The following WDFY4 variants were observed in gnomAD, a reference collection of about 807,000 sequenced individuals.
The protein encoded by WDFY4 is WDFY family member 4, also known as WD repeat- and FYVE domain-containing protein 4.
WDFY4 carries 169 observed loss-of-function variants against 351.9 expected under a neutral mutation model. The observed-to-expected ratio is 0.48, with a 90% CI of 0.42 to 0.55. The LOEUF is 0.55. Ranked by LOEUF, WDFY4 falls within the 20% of genes least tolerant of loss-of-function variation. WDFY4 has a pLI of 0.00. For missense variants in WDFY4, 3,803 were observed against 3,935.6 expected, an observed-to-expected ratio of 0.97 and a Z score of 0.90; for synonymous variants, 1,622 against 1,574.6, an observed-to-expected ratio of 1.03 and a Z score of -0.71.
At chr10:48,826,570 T>C (rs2068018851) in intron 35 of WDFY4, 101 bp from the exon 36 acceptor site, 2 of 871,070 alleles carry the variant, frequency 2.3e-6, no homozygotes, top group Admixed American at 2.4e-5. Context: ...GTAAGCCATG[T>C]CACTTTTTGA....
At chr10:48,868,326 C>T (rs372895005) in intron 40 of WDFY4, among the ~76,000 whole-genome samples, 6 of 152,270 alleles carry the variant, frequency 3.9e-5, no homozygotes, top group Admixed American at 2.0e-4. Flanking sequence ...TTGTGAGAAA[C>T]GAGGTTTGGT....
At chr10:48,903,669 G>A (rs750054109) in intron 47 of WDFY4, among the ~76,000 whole-genome samples, 1 of 152,174 alleles carries the variant, frequency 6.6e-6, no homozygotes, top group African/African-American at 2.4e-5. Flanking sequence ...AAGAGTGGCT[G>A]TAGGGCCACT....
At chr10:48,721,133 T>A (rs539515213) in intron 3 of WDFY4, 128 bp from the exon 4 acceptor site, 4 of 799,198 alleles carry the variant, frequency 5.0e-6, no homozygotes, top group Middle Eastern at 7.0e-4. Flanking sequence ...GCCTTGGGGA[T>A]GTGTAGGCAA....
intron 51 of WDFY4, among the ~76,000 whole-genome samples, chr10:48,949,132 T>C (rs1737719008): frequency 6.6e-6 from 1 of 152,340 alleles, no homozygotes; most frequent in East Asian, 1.9e-4. Context: ...GACTCCCATG[T>C]TGAAGTCACT....
In WDFY4 at chr10:48,810,595, T is replaced by G. The variant is rs1488393635; in HGVS notation, c.4904T>G (p.Leu1635Arg). Reference protein sequence around the residue: ...DWFLLLLQGHLHASTTVLALK... With the variant: ...DWFLLLLQGHRHASTTVLALK... The stretch of plus-strand genomic sequence containing the variant: ...TTCCTGCTGCTCCTGCAGGGCCACC[T>G]GCATGCCAGCACCACTGTGCTGGCA... Residue 1635 changes from leucine (L) to arginine (R), a missense_variant, in exon 29 of 62, where the codon CTG becomes CGG. This residue lies in a region of WDFY4 where 3,054 missense variants were observed against 3,148.6 expected (regional missense o/e 0.97). Coordinates refer to ENST00000325239, the MANE Select transcript of WDFY4 (RefSeq NM_001394531.1). 6.4e-7 allele frequency: 1 copy of G among 1,551,724 alleles called. No individual in the cohort carries two copies. Among genetic ancestry groups the G allele is most frequent in the Non-Finnish European group, 8.7e-7 (1 of 1,146,998 alleles).
rs2133393928 is a variant in WDFY4, at chr10:48,897,442, T to C, written c.7317-12T>C. 1 of 1,550,396 alleles carries C rather than the reference T, an allele frequency of 6.4e-7. No homozygotes were observed. The highest frequency in any genetic ancestry group is 8.7e-7 in the Non-Finnish European group (1 of 1,146,258). On this transcript the variant is annotated splice_polypyrimidine_tract_variant and intron_variant, in intron 44 of 61. Coordinates refer to ENST00000325239, the MANE Select transcript of WDFY4 (RefSeq NM_001394531.1). ...TCTGAACATGTGCCCTGCATGCCTG[T>C]TTCCTTTTCAGCATCAGCGATCCGT... is the stretch of plus-strand genomic sequence containing the variant.
intron 35 of WDFY4, chr10:48,824,263 C>T (rs1388782850): frequency 1.1e-6 from 1 of 871,884 alleles, no homozygotes; most frequent in African/African-American, 1.8e-5. Context: ...AGCCTCTTAT[C>T]CGTACAGTGG....
At chr10:48,824,199 A>T in intron 35 of WDFY4, 1 of 985,360 alleles carries the variant, frequency 1.0e-6, no homozygotes, top group Non-Finnish European at 1.2e-6. Flanking sequence ...AGCGTGGCTT[A>T]AGTGTCCAGT....
At chr10:48,701,364 T>C (rs1254996682) in intron 1 of WDFY4, among the ~76,000 whole-genome samples, 1 of 152,246 alleles carries the variant, frequency 6.6e-6, no homozygotes, top group Non-Finnish European at 1.5e-5. Flanking sequence ...AATAATGCTA[T>C]TAGGAACATG....
chr10:48,864,341 C>T (rs150296761), intron 39 of WDFY4, among the ~76,000 whole-genome samples: 12 of 152,234 alleles, frequency 7.9e-5, no homozygotes, highest in Admixed American at 2.0e-4. Flanking sequence ...AAAGACTATT[C>T]GTTCCCCATT....
chr10:48,820,571 G>T, intron 33 of WDFY4, 134 bp downstream of exon 33: 1 of 1,008,850 alleles, frequency 9.9e-7, no homozygotes, highest in Non-Finnish European at 1.4e-6. Context: ...TGTGAACCAT[G>T]GGCCCCAAAA....
intron 39 of WDFY4, among the ~76,000 whole-genome samples, chr10:48,861,572 A>G (rs148480569): frequency 1.3e-5 from 2 of 152,146 alleles, no homozygotes; most frequent in Non-Finnish European, 2.9e-5. Flanking sequence ...TTAATTAAAT[A>G]CTTTCCCCTC....
intron 24 of WDFY4, among the ~76,000 whole-genome samples, chr10:48,803,013 G>A: frequency 6.6e-6 from 1 of 152,192 alleles, no homozygotes; most frequent in East Asian, 1.9e-4. Flanking sequence ...CTGAGCAGAT[G>A]GGGGAGATGG....
intron 12 of WDFY4, chr10:48,745,765 G>T: frequency 2.1e-6 from 1 of 476,116 alleles, no homozygotes; most frequent in South Asian, 1.9e-5. Context: ...CAGATGCACA[G>T]CCTTGCGGGC....
At chr10:48,910,804 G>T (rs1163622997) in intron 47 of WDFY4, 1 of 499,924 alleles carries the variant, frequency 2.0e-6, no homozygotes, top group African/African-American at 2.1e-5. Context: ...AGCAAGTAAG[G>T]GTGTTGAGGA....
chr10:48,954,025 A>AC (rs1303977425), intron 51 of WDFY4, among the ~76,000 whole-genome samples: 1 of 152,226 alleles, frequency 6.6e-6, no homozygotes, highest in Non-Finnish European at 1.5e-5. Flanking sequence ...ACTTGGATCA[A>AC]TGTGCAGGAA....
intron 47 of WDFY4, among the ~76,000 whole-genome samples, chr10:48,917,145 A>G (rs142739059): frequency 6.6e-6 from 1 of 152,308 alleles, no homozygotes; most frequent in African/African-American, 2.4e-5. Context: ...ATAGTAGGCT[A>G]TACCATCTAG....
chr10:48,897,399 C>G (rs189764806), intron 44 of WDFY4, 55 bp from the exon 45 acceptor site: 2 of 1,532,952 alleles, frequency 1.3e-6, no homozygotes, highest in African/African-American at 2.7e-5. Flanking sequence ...GAAGCCTGCA[C>G]GTGTCCTCAC....
At chr10:48,790,606 C>T in intron 22 of WDFY4, 121 bp from the exon 23 acceptor site, 1 of 1,129,798 alleles carries the variant, frequency 8.9e-7, no homozygotes, top group South Asian at 1.5e-5. Flanking sequence ...GTGCACAGGT[C>T]CCTCTGGCTG....
Sources: allele counts gnomAD v4.1 joint callset (sites outside exome capture counted in the v4.1 genomes callset), GRCh38; gene constraint gnomAD v4.1.1; regional missense constraint gnomAD v4.1.1; transcripts MANE v1.5; gene names NCBI Gene and HGNC (gene_info 2026-07-23, HGNC 2026-07-21).